PTPRN2: variants seen among roughly 807,000 people sequenced by gnomAD.
The protein encoded by PTPRN2 is receptor-type tyrosine-protein phosphatase N2.
Under a neutral mutation model 118.8 loss-of-function variants are expected in PTPRN2, and 74 were observed. That is an observed-to-expected ratio of 0.62 (90% CI 0.52 to 0.76). The LOEUF (loss-of-function observed/expected upper bound fraction) is 0.76, where lower values mean the gene tolerates loss of function less well. Among genes scored for constraint, PTPRN2 ranks in the 30% least tolerant of loss-of-function variants. The pLI is 0.00. For missense variants in PTPRN2, 1,481 were observed against 1,394.4 expected (o/e 1.06, Z -0.99); for synonymous variants, 641 against 608.0 (o/e 1.05, Z -0.80).
At chr7:158,336,215 CCGACGCCCGCAGACA>C (rs1805486324) in intron 2 of PTPRN2, among the ~76,000 whole-genome samples, 1 of 52,920 alleles carries the variant, frequency 1.9e-5, no homozygotes, top group African/African-American at 7.2e-5. Context: ...ACCATAAGAG[CCGACGCCCGCAGACA>C]TCACTCACAC....
chr7:157,752,720 C>T (rs1246621860), intron 12 of PTPRN2, among the ~76,000 whole-genome samples: 1 of 152,216 alleles, frequency 6.6e-6, no homozygotes, highest in Admixed American at 6.5e-5. Flanking sequence ...TACCTGGAGT[C>T]CAGCATCCAT....
At chr7:158,072,080 G>GAGGTGCTCA (rs1811965038) in intron 11 of PTPRN2, among the ~76,000 whole-genome samples, 2 of 130,626 alleles carry the variant, frequency 1.5e-5, no homozygotes, top group African/African-American at 2.8e-5. Flanking sequence ...GGTGCTCGTG[G>GAGGTGCTCA]TGGTGGAGGT....
At chr7:157,847,917 C>T (rs1316130166) in intron 12 of PTPRN2, among the ~76,000 whole-genome samples, 1 of 151,482 alleles carries the variant, frequency 6.6e-6, no homozygotes, top group Non-Finnish European at 1.5e-5. Flanking sequence ...CTCATTACAT[C>T]ATGTGTGCCC....
chr7:157,774,828 G>T (rs1803097079), intron 12 of PTPRN2, among the ~76,000 whole-genome samples: 1 of 152,114 alleles, frequency 6.6e-6, no homozygotes, highest in African/African-American at 2.4e-5. Flanking sequence ...AAGATGAGAG[G>T]ACCAGTCCGA....
At position 158,316,836 on chromosome 7, in the gene PTPRN2, T is replaced by C. The variant is rs1395571879; in HGVS notation, c.260A>G (p.Gln87Arg). 13 of 1,605,576 alleles carry C rather than the reference T, an allele frequency of 8.1e-6. No individual in the cohort carries two copies. Among genetic ancestry groups the C allele is most frequent in the Admixed American group, 3.4e-5 (2 of 59,350 alleles). ...CGCCCTACCTGTGCCGGAAAGCTTC[T>C]GCAACGCCACGCGCAGGCGCTGCAG... Reference protein sequence around the residue: ...VALQRLRVALQKLSGTGFTWQ... With the variant: ...VALQRLRVALRKLSGTGFTWQ... The change falls in exon 3 of 23, where the codon CAG (glutamine) becomes CGG (arginine). Residue 87 changes from glutamine (Q) to arginine (R), a missense_variant. By Grantham distance (43) the Gln-to-Arg change is conservative (BLOSUM62 1). Coordinates refer to ENST00000389418, the MANE Select transcript of PTPRN2 (RefSeq NM_002847.5).
chr7:158,284,823 G>T (rs1799665124), intron 3 of PTPRN2, among the ~76,000 whole-genome samples: 1 of 152,218 alleles, frequency 6.6e-6, no homozygotes, highest in African/African-American at 2.4e-5. Flanking sequence ...CTACATATGT[G>T]TATCTACCAC....
intron 4 of PTPRN2, among the ~76,000 whole-genome samples, chr7:158,196,815 G>GA (rs1293591364): frequency 3.9e-5 from 6 of 151,994 alleles, no homozygotes; most frequent in Middle Eastern, 3.4e-3. Flanking sequence ...AGTAGTGAAA[G>GA]AAAAAAAAGT....
chr7:157,844,094 C>T (rs1808626863), intron 12 of PTPRN2, among the ~76,000 whole-genome samples: 1 of 151,656 alleles, frequency 6.6e-6, no homozygotes, highest in Non-Finnish European at 1.5e-5. Context: ...ATGTGGAACG[C>T]AGGCCCCTCC....
At chr7:158,175,423 C>G (rs772646988) in intron 5 of PTPRN2, among the ~76,000 whole-genome samples, 2 of 152,106 alleles carry the variant, frequency 1.3e-5, no homozygotes, top group Non-Finnish European at 2.9e-5. Context: ...AGAGGTGATT[C>G]TGGCAGCTCA....
Position 157,676,430 on chromosome 7 carries a change from C to T in PTPRN2, c.2001+6295G>A, listed in dbSNP as rs1021236572. Among the ~76,000 whole-genome samples, 2 of 152,224 alleles carry T rather than the reference C, an allele frequency of 1.3e-5. No individual in the cohort carries two copies. Among genetic ancestry groups the T allele is most frequent in the African/African-American group, 4.8e-5 (2 of 41,460 alleles). On this transcript the variant is annotated intron_variant, in intron 13 of 22. Coordinates refer to ENST00000389418, the MANE Select transcript of PTPRN2 (RefSeq NM_002847.5). This position sits in a 1 kb window ranked among gnomAD's most constrained non-coding sequence, Gnocchi z 5.6. ...TGCGTGGACTAATGCTGTTTACCGC[C>T]GGTTCACTTTCATTGCAAACTCCTC... is the stretch of plus-strand genomic sequence containing the variant.
intron 11 of PTPRN2, among the ~76,000 whole-genome samples, chr7:157,989,061 T>A (rs565289287): frequency 6.6e-6 from 1 of 152,320 alleles, no homozygotes; most frequent in South Asian, 2.1e-4. Context: ...AAGGTGCAGA[T>A]ACCCCCGGGC....
At chr7:157,747,304 G>A (rs1801027688) in intron 12 of PTPRN2, among the ~76,000 whole-genome samples, 1 of 136,788 alleles carries the variant, frequency 7.3e-6, no homozygotes, top group Admixed American at 7.5e-5. Flanking sequence ...CTGAGCTGTG[G>A]GGTGTCCGGG....
In PTPRN2 at chr7:157,984,270, C is replaced by CAAT. The variant is rs1554507046; in HGVS notation, c.1724-85534_1724-85533insATT. ...CCACCTCCCCACGCCAGGCTCCACCCCCCACGCCAGGCTCCACCCCATCCC... is the reference window on the plus strand; with the variant it reads ...CCACCTCCCCACGCCAGGCTCCACCCAATCCCACGCCAGGCTCCACCCCATCCC... On this transcript the variant is annotated intron_variant, in intron 11 of 22. Transcript: ENST00000389418. 9.1e-3 allele frequency among the ~76,000 whole-genome samples: 85 copies of CAAT among 9,338 alleles called. 6 individuals are homozygous for CAAT. The highest frequency in any genetic ancestry group is 0.013 in the Non-Finnish European group (48 of 3,784). The allele number at this position is 9,338 out of a possible 152,430, so 6.1% of individuals were successfully genotyped here.
intron 17 of PTPRN2, 95 bp downstream of exon 17, chr7:157,595,143 G>A: frequency 8.7e-7 from 1 of 1,150,590 alleles, no homozygotes; most frequent in East Asian, 2.4e-5. Flanking sequence ...TTTGTAAGAA[G>A]TTTGATTGGC....
At chr7:157,891,624 A>G (rs1417929346) in intron 12 of PTPRN2, among the ~76,000 whole-genome samples, 1 of 151,860 alleles carries the variant, frequency 6.6e-6, no homozygotes, top group Non-Finnish European at 1.5e-5. Flanking sequence ...TGGATGCATG[A>G]CCATAGGTTC....
Position 157,764,946 on chromosome 7 carries a change from T to A in PTPRN2, c.1789-82009A>T, listed in dbSNP as rs1292594904. On this transcript the variant is annotated intron_variant, in intron 12 of 22. Coordinates refer to ENST00000389418, the MANE Select transcript of PTPRN2 (RefSeq NM_002847.5). This position sits in a 1 kb window ranked among gnomAD's most constrained non-coding sequence, Gnocchi z 4.5. ...ATCCATCCATATCCATCCATCCATA[T>A]CCATCCATCCACCCACCCACCCATC... 6.8e-6 allele frequency among the ~76,000 whole-genome samples: 1 copy of A among 147,998 alleles called. No individual in the cohort carries two copies. Among genetic ancestry groups the A allele is most frequent in the East Asian group, 2.1e-4 (1 of 4,824 alleles).
chr7:158,471,999 C>T (rs1311998001), intron 2 of PTPRN2, among the ~76,000 whole-genome samples: 1 of 152,056 alleles, frequency 6.6e-6, no homozygotes, highest in East Asian at 1.9e-4. Flanking sequence ...GGCCCCGCCA[C>T]GGTTCCGGCC....
At chr7:157,890,154 T>C (rs553993940) in intron 12 of PTPRN2, among the ~76,000 whole-genome samples, 45 of 152,182 alleles carry the variant, frequency 3.0e-4, no homozygotes, top group Admixed American at 1.4e-3. Context: ...TTCTCGGAGT[T>C]TGATTACTGA....
rs190343539 is a variant in PTPRN2 at position 157,987,469 on chromosome 7, C to T, written c.1724-88732G>A. 5.3e-5 allele frequency among the ~76,000 whole-genome samples: 8 copies of T among 152,092 alleles called. No individual in the cohort carries two copies. In the East Asian group the frequency reaches 9.7e-4, roughly 18 times the overall value. On this transcript the variant is annotated intron_variant, in intron 11 of 22. Coordinates refer to ENST00000389418, the MANE Select transcript of PTPRN2 (RefSeq NM_002847.5). This position sits in a 1 kb window ranked among gnomAD's most constrained non-coding sequence, Gnocchi z 4.3. ...AGGTCATTAATGGGGGCGTAGTGTCCGGTCACTAATAGGGTGTGATGACCT... is the reference window on the plus strand; with the variant it reads ...AGGTCATTAATGGGGGCGTAGTGTCTGGTCACTAATAGGGTGTGATGACCT...
Sources: gnomAD v4.1 joint callset for allele counts (sites outside exome capture counted in the v4.1 genomes callset) on GRCh38, gnomAD v4.1.1 for gene constraint, Gnocchi (gnomAD v3.1) non-coding constraint, MANE v1.5 for transcripts, NCBI Gene and HGNC (gene_info 2026-07-23, HGNC 2026-07-21) for gene names.